The following ATP9A variants were observed in gnomAD, a reference collection of about 807,000 sequenced individuals.
ATP9A encodes probable phospholipid-transporting ATPase IIA.
A neutral mutation model predicts 144.1 loss-of-function variants in ATP9A; 52 were observed. The ratio of observed to expected loss-of-function variants is 0.36; its 90% confidence interval spans 0.29 to 0.45. The LOEUF (loss-of-function observed/expected upper bound fraction) is 0.45. Among genes scored for constraint, ATP9A ranks in the 20% least tolerant of loss-of-function variants. The pLI, the probability that ATP9A is intolerant of heterozygous loss-of-function variation, is 1.00. For synonymous variants in ATP9A, 582 were observed against 557.4 expected, an observed-to-expected ratio of 1.04 and a Z score of -0.62; for missense variants, 947 against 1,392.7, an observed-to-expected ratio of 0.68 and a Z score of 5.09.
At chr20:51,603,042 C>T (rs1463020587) in intron 27 of ATP9A, among the ~76,000 whole-genome samples, 2 of 149,122 alleles carry the variant, frequency 1.3e-5, no homozygotes, top group African/African-American at 4.9e-5. Context: ...CTGCAGGTTT[C>T]CCACGGAGGA....
At chr20:51,603,520 T>C (rs533555895) in intron 27 of ATP9A, among the ~76,000 whole-genome samples, 1 of 152,262 alleles carries the variant, frequency 6.6e-6, no homozygotes, top group South Asian at 2.1e-4. Context: ...TAGCATAGCA[T>C]GGGGTCATCT....
chr20:51,740,900 G>A (rs1423640248), intron 1 of ATP9A, among the ~76,000 whole-genome samples: 1 of 151,920 alleles, frequency 6.6e-6, no homozygotes, highest in Non-Finnish European at 1.5e-5. Context: ...AAAGAGTACA[G>A]TCTACACCTT....
rs1354533390 is a variant in ATP9A at position 51,686,500 on chromosome 20, G to A, written c.799+2564C>T. 2.0e-5 allele frequency among the ~76,000 whole-genome samples: 3 copies of A among 152,036 alleles called. No homozygotes were observed. In the East Asian group the frequency reaches 5.8e-4, roughly 29 times the overall value. Reference sequence around the variant, plus strand: ...TATGTATAACCCACAAAAAGTGAAAGTTTGATATTCTTTCCTCTATAAAGC... The same window carrying A: ...TATGTATAACCCACAAAAAGTGAAAATTTGATATTCTTTCCTCTATAAAGC... On this transcript the variant is annotated intron_variant, in intron 9 of 27. Transcript: ENST00000338821.
chr20:51,634,524 A>C (rs1056864438), intron 15 of ATP9A, among the ~76,000 whole-genome samples: 3 of 152,200 alleles, frequency 2.0e-5, no homozygotes, highest in African/African-American at 4.8e-5. Context: ...CAGGTCCTGC[A>C]GAGTCTGAAA....
chr20:51,669,954 A>C, intron 13 of ATP9A, 43 bp downstream of exon 13: 1 of 1,453,348 alleles, frequency 6.9e-7, no homozygotes, highest in Non-Finnish European at 9.6e-7. Context: ...TTAAAAAAAA[A>C]AAGTCAAAGA....
rs2122815268 is a variant in ATP9A at position 51,689,233 on chromosome 20, A to G, written c.724-94T>C. On this transcript the variant is annotated intron_variant, in intron 8 of 27. Transcript: ENST00000338821. ...CATGGTCCGCTGGAGATAGAAAGAC[A>G]GGCTCCCCCCGATGAACCTGGAAGC... 1.2e-5 allele frequency: 15 copies of G among 1,283,884 alleles called. No homozygotes were observed. The South Asian group carries it at 2.0e-4, about 17-fold the overall frequency. 79.5% of individuals were successfully genotyped at this position (1,283,884 alleles called of 1,614,324 possible).
At position 51,729,724 on chromosome 20, in the gene ATP9A, G is replaced by A. The variant is rs560625960; in HGVS notation, c.213+110C>T. 52 of 1,271,952 alleles carry A rather than the reference G, an allele frequency of 4.1e-5. No individual in the cohort carries two copies. In the South Asian group the frequency reaches 5.5e-4, roughly 14 times the overall value. 78.8% of individuals were successfully genotyped at this position (1,271,952 alleles called of 1,614,324 possible). A position where few individuals can be genotyped will look rare whatever the true frequency, so the allele number is the denominator to read the frequency against. On this transcript the variant is annotated intron_variant, in intron 2 of 27. Transcript: ENST00000338821. Reference sequence around the variant, plus strand: ...TGCGCCACTGCACTCCAGCCTGGGCGACAGAGTAAGACTCTGTCTAAAAAA... The same window carrying A: ...TGCGCCACTGCACTCCAGCCTGGGCAACAGAGTAAGACTCTGTCTAAAAAA...
At chr20:51,742,442 C>T (rs781016798) in intron 1 of ATP9A, among the ~76,000 whole-genome samples, 2 of 152,090 alleles carry the variant, frequency 1.3e-5, no homozygotes, top group Non-Finnish European at 2.9e-5. Flanking sequence ...TGTGTTACTC[C>T]ACTCCAGCTG....
intron 2 of ATP9A, among the ~76,000 whole-genome samples, 168 bp from the exon 3 acceptor site, chr20:51,726,100 G>C (rs558087271): frequency 1.3e-3 from 192 of 152,050 alleles, no homozygotes; most frequent in African/African-American, 4.5e-3. Flanking sequence ...GATCACCTGA[G>C]GTCAGGATTC....
At chr20:51,623,840 G>A (rs1305489574) in intron 18 of ATP9A, among the ~76,000 whole-genome samples, 1 of 150,518 alleles carries the variant, frequency 6.6e-6, no homozygotes, top group African/African-American at 2.5e-5. Context: ...AATTTCCTGT[G>A]CAAGATCGTA....
chr20:51,649,198 T>C (rs1048388921), intron 14 of ATP9A, among the ~76,000 whole-genome samples: 2 of 152,100 alleles, frequency 1.3e-5, no homozygotes, highest in African/African-American at 2.4e-5. Flanking sequence ...CTTCATCCAG[T>C]ATCAGCCCTG....
chr20:51,724,946 A>C (rs565900701), intron 3 of ATP9A, among the ~76,000 whole-genome samples: 59 of 152,328 alleles, frequency 3.9e-4, no homozygotes, highest in African/African-American at 1.3e-3. Context: ...TGGGAGCCGA[A>C]GTGTTTGAGA....
intron 22 of ATP9A, 77 bp downstream of exon 22, chr20:51,617,413 C>T (rs2077207617): frequency 1.4e-6 from 2 of 1,439,190 alleles, no homozygotes; most frequent in South Asian, 1.2e-5. Context: ...TTCCAGAAGG[C>T]TTAAAGCTGT....
At chr20:51,702,401 T>C (rs1440652165) in intron 4 of ATP9A, among the ~76,000 whole-genome samples, 3 of 150,222 alleles carry the variant, frequency 2.0e-5, no homozygotes, top group Non-Finnish European at 4.4e-5. Context: ...TGTGTGTGTG[T>C]GTGCATGTAA....
chr20:51,621,861 G>C (rs1158724658), intron 19 of ATP9A, among the ~76,000 whole-genome samples: 1 of 152,168 alleles, frequency 6.6e-6, no homozygotes, highest in Non-Finnish European at 1.5e-5. Flanking sequence ...CACAGGGCTA[G>C]AAGGAGGTAC....
In ATP9A at chr20:51,741,791, G is replaced by A. The variant is rs115179564; in HGVS notation, c.69-11813C>T. ...CAGGCAATTTTGCACCCCCAGGGTG[G>A]GTATCTGGCAATATCTGGAAACACT... On this transcript the variant is annotated intron_variant, in intron 1 of 27. Coordinates refer to ENST00000338821, the MANE Select transcript of ATP9A (RefSeq NM_006045.3). 9.4e-3 allele frequency among the ~76,000 whole-genome samples: 1,428 copies of A among 152,090 alleles called. 18 individuals carry two copies. Among genetic ancestry groups the A allele is most frequent in the African/African-American group, 0.032 (1,342 of 41,488 alleles).
intron 22 of ATP9A, among the ~76,000 whole-genome samples, chr20:51,616,502 A>T (rs2077203457): frequency 6.6e-6 from 1 of 152,148 alleles, no homozygotes; most frequent in African/African-American, 2.4e-5. Flanking sequence ...TATTTTTAGT[A>T]GAGACGGGGT....
At chr20:51,691,424 G>A (rs1009142791) in intron 7 of ATP9A, among the ~76,000 whole-genome samples, 2 of 152,144 alleles carry the variant, frequency 1.3e-5, no homozygotes, top group South Asian at 4.1e-4. Context: ...AGCTGAGATC[G>A]CGCCACTGCA....
chr20:51,623,063 G>A (rs552907548), intron 18 of ATP9A, among the ~76,000 whole-genome samples: 14 of 152,170 alleles, frequency 9.2e-5, no homozygotes, highest in Non-Finnish European at 1.8e-4. Context: ...AGAAGTAAAG[G>A]GAGAGGTAGG....
Sources: allele counts gnomAD v4.1 joint callset (sites outside exome capture counted in the v4.1 genomes callset), GRCh38; gene constraint gnomAD v4.1.1; transcripts MANE v1.5; gene names NCBI Gene and HGNC (gene_info 2026-07-23, HGNC 2026-07-21).